DAB1: variants seen among roughly 807,000 people sequenced by gnomAD.
DAB1 encodes DAB adaptor protein 1, also known as disabled homolog 1.
Under a neutral mutation model 64.6 loss-of-function variants are expected in DAB1, and 15 were observed. The observed-to-expected ratio is 0.23, with a 90% confidence interval of 0.16 to 0.36. DAB1 has a LOEUF of 0.36. DAB1 is among the 10% of genes least tolerant of loss of function. DAB1 has a pLI of 1.00. For synonymous variants in DAB1, 235 were observed against 251.9 expected (o/e 0.93, Z 0.64); for missense variants, 596 against 706.7 (o/e 0.84, Z 1.78).
chr1:57,284,582 C>G (rs1435681331), intron 2 of DAB1, among the ~76,000 whole-genome samples: 2 of 152,082 alleles, frequency 1.3e-5, no homozygotes, highest in African/African-American at 4.8e-5. Flanking sequence ...ACCCAAATAC[C>G]CAGTATCTTG....
intron 3 of DAB1, among the ~76,000 whole-genome samples, chr1:58,369,762 A>G (rs1644247777): frequency 6.6e-6 from 1 of 152,260 alleles, no homozygotes; most frequent in Non-Finnish European, 1.5e-5. Context: ...CTGTACTACA[A>G]TGCCTTAAAC....
intron 2 of DAB1, among the ~76,000 whole-genome samples, chr1:57,279,097 G>C (rs1671693427): frequency 6.6e-6 from 1 of 152,138 alleles, no homozygotes; most frequent in South Asian, 2.1e-4. Flanking sequence ...GAAATTTCCT[G>C]GTCTTCACTT....
intron 1 of DAB1, among the ~76,000 whole-genome samples, chr1:57,360,506 C>T (rs1170714549): frequency 2.0e-5 from 3 of 152,162 alleles, no homozygotes; most frequent in South Asian, 2.1e-4. Flanking sequence ...ATGTTTAATT[C>T]GCCAAAAGGA....
intron 7 of DAB1, among the ~76,000 whole-genome samples, chr1:57,433,994 TTAAA>T (rs1308758208): frequency 2.0e-5 from 3 of 152,060 alleles, no homozygotes; most frequent in African/African-American, 4.8e-5. Flanking sequence ...ATTTGAAACA[TTAAA>T]TAATTAATGA....
chr1:57,876,159 T>C (rs1644042380), intron 1 of DAB1: 1 of 152,212 alleles, frequency 6.6e-6, no homozygotes, highest in African/African-American at 2.4e-5. Flanking sequence ...ACCTTTAGGC[T>C]GAATGTTCAA....
intron 5 of DAB1, among the ~76,000 whole-genome samples, chr1:58,087,505 T>G (rs1650390417): frequency 6.6e-6 from 1 of 152,196 alleles, no homozygotes; most frequent in Non-Finnish European, 1.5e-5. Context: ...TGGAGGAGCT[T>G]GATCTGATAT....
intron 1 of DAB1, among the ~76,000 whole-genome samples, chr1:57,304,171 A>G (rs968037374): frequency 6.6e-6 from 1 of 152,202 alleles, no homozygotes; most frequent in Admixed American, 6.5e-5. Context: ...AAGCAGGAGC[A>G]GGCACTTCAC....
chr1:57,631,631 T>C (rs960430503), intron 7 of DAB1, among the ~76,000 whole-genome samples: 2 of 152,256 alleles, frequency 1.3e-5, no homozygotes, highest in Non-Finnish European at 2.9e-5. Flanking sequence ...GTACATTAAA[T>C]AGCTTTGTTT....
At chr1:58,465,425 C>T (rs189716978) in intron 3 of DAB1, among the ~76,000 whole-genome samples, 16 of 152,340 alleles carry the variant, frequency 1.1e-4, no homozygotes, top group African/African-American at 3.1e-4. Context: ...CAGGAATTCT[C>T]AGTTTATTGC....
At chr1:57,959,651 C>T (rs1645470819) in intron 5 of DAB1, among the ~76,000 whole-genome samples, 1 of 152,140 alleles carries the variant, frequency 6.6e-6, no homozygotes, top group Non-Finnish European at 1.5e-5. Flanking sequence ...TCTTCTTAAG[C>T]TCACATACTG....
chr1:57,397,748 A>T (rs1280426227), intron 1 of DAB1, among the ~76,000 whole-genome samples: 1 of 152,240 alleles, frequency 6.6e-6, no homozygotes, highest in Admixed American at 6.5e-5. Flanking sequence ...CCTACTGATG[A>T]CATGTATTAA....
chr1:57,622,652 G>A (rs975711982), intron 7 of DAB1, among the ~76,000 whole-genome samples: 1 of 152,138 alleles, frequency 6.6e-6, no homozygotes, highest in Non-Finnish European at 1.5e-5. Flanking sequence ...ACACAGCTAT[G>A]GTATGGTAGA....
chr1:57,854,508 A>G (rs1026998626), intron 1 of DAB1, among the ~76,000 whole-genome samples: 6 of 152,190 alleles, frequency 3.9e-5, no homozygotes, highest in Non-Finnish European at 7.4e-5. Context: ...AACCCTGAGG[A>G]AGATCGTTTA....
intron 7 of DAB1, among the ~76,000 whole-genome samples, chr1:57,483,185 T>A (rs1644046046): frequency 6.6e-6 from 1 of 152,216 alleles, no homozygotes; most frequent in South Asian, 2.1e-4. Context: ...TTATAACATG[T>A]ATTTTTTATA....
intron 7 of DAB1, among the ~76,000 whole-genome samples, chr1:57,579,261 A>G (rs1401913113): frequency 6.6e-6 from 1 of 152,212 alleles, no homozygotes; most frequent in Non-Finnish European, 1.5e-5. Flanking sequence ...CCTATCCATC[A>G]TAATGAAGGT....
intron 4 of DAB1, among the ~76,000 whole-genome samples, chr1:57,134,569 A>G (rs1570754323): frequency 7.9e-6 from 1 of 126,872 alleles, no homozygotes; most frequent in African/African-American, 2.9e-5. Flanking sequence ...ACTATTGGGT[A>G]CTAGGCTTAG....
chr1:57,144,306 G>T (rs1196431966), intron 3 of DAB1, among the ~76,000 whole-genome samples: 1 of 151,906 alleles, frequency 6.6e-6, no homozygotes, highest in Non-Finnish European at 1.5e-5. Context: ...CTTTTTAAAA[G>T]AAACAATATA....
chr1:57,176,865 G>C (rs1350934709), intron 2 of DAB1, among the ~76,000 whole-genome samples: 1 of 150,010 alleles, frequency 6.7e-6, no homozygotes, highest in Non-Finnish European at 1.5e-5. Flanking sequence ...TATGAACTTT[G>C]TCCATGGAGA....
At chr1:57,664,628 A>G (rs570224534) in intron 6 of DAB1, among the ~76,000 whole-genome samples, 9 of 152,144 alleles carry the variant, frequency 5.9e-5, no homozygotes, top group Non-Finnish European at 1.3e-4. Flanking sequence ...AAATAATTTA[A>G]TAATTATGGA....
Sources: allele counts gnomAD v4.1 joint callset (sites outside exome capture counted in the v4.1 genomes callset), GRCh38; gene constraint gnomAD v4.1.1; transcripts MANE v1.5; gene names NCBI Gene and HGNC (gene_info 2026-07-23, HGNC 2026-07-21).